CPM: variants seen among roughly 807,000 people sequenced by gnomAD.
CPM encodes the protein carboxypeptidase M.
Under a neutral mutation model 46.4 loss-of-function variants are expected in CPM, and 35 were observed. That is an observed-to-expected ratio of 0.75 (90% CI 0.58 to 1.00). The LOEUF (loss-of-function observed/expected upper bound fraction) is 1.00, where lower values mean the gene tolerates loss of function less well. CPM is among the 50% of genes least tolerant of loss of function. The pLI, the probability that CPM is intolerant of heterozygous loss-of-function variation, is 0.00. For synonymous variants in CPM, 195 were observed against 195.3 expected (o/e 1.00, Z 0.01); for missense variants, 422 against 530.4 (o/e 0.80, Z 2.01).
At chr12:68,948,920 GGTAAAA>G (rs1486128299) in intron 1 of CPM, among the ~76,000 whole-genome samples, 1 of 152,118 alleles carries the variant, frequency 6.6e-6, no homozygotes, top group Non-Finnish European at 1.5e-5. Flanking sequence ...TTGGAGTGGA[GGTAAAA>G]GTACTCATAA....
intron 7 of CPM, among the ~76,000 whole-genome samples, chr12:68,863,309 G>A (rs889320747): frequency 2.0e-5 from 3 of 152,162 alleles, no homozygotes; most frequent in Non-Finnish European, 4.4e-5. Flanking sequence ...AGACAGGGCC[G>A]CAGCAGGCAG....
At chr12:68,890,091 C>T (rs1046829207) in intron 2 of CPM, among the ~76,000 whole-genome samples, 9 of 152,106 alleles carry the variant, frequency 5.9e-5, no homozygotes, top group Admixed American at 3.3e-4. Context: ...TCTGTTGGCG[C>T]GCTCTCAGGG....
chr12:68,885,558 T>C (rs1886389985), intron 3 of CPM, among the ~76,000 whole-genome samples: 1 of 152,098 alleles, frequency 6.6e-6, no homozygotes, highest in Non-Finnish European at 1.5e-5. Context: ...CAAAACAAGC[T>C]CCAGCTACTC....
At chr12:68,882,602 G>A (rs1035869409) in intron 3 of CPM, among the ~76,000 whole-genome samples, 5 of 152,128 alleles carry the variant, frequency 3.3e-5, no homozygotes, top group African/African-American at 9.7e-5. Context: ...GGGTTGAATC[G>A]TAGTTCTGTT....
chr12:68,936,590 G>T (rs990026083), upstream of CPM, among the ~76,000 whole-genome samples: 1 of 152,058 alleles, frequency 6.6e-6, no homozygotes, highest in South Asian at 2.1e-4. Context: ...CACCACGTTG[G>T]CCAGGATGGT....
chr12:68,920,725 C>T (rs1888003427), intron 2 of CPM, among the ~76,000 whole-genome samples: 1 of 141,086 alleles, frequency 7.1e-6, no homozygotes, highest in South Asian at 2.3e-4. Context: ...CAGAGACTCA[C>T]TGTGGGCCAG....
chr12:68,859,045 T>G lies in CPM; in HGVS notation c.967A>C (p.Asn323His). The part of the protein sequence containing the change: ...LGVKGQVFDQ[N>H]GNPLPNVIVE... ...ATTACATTGGGTAATGGATTTCCAT[T>G]CTGATCAAAAACTTGACCCTTTACA... The change falls in exon 8 of 9, where the codon AAT becomes CAT. Residue 323 changes from asparagine to histidine, a missense_variant. Coordinates refer to ENST00000551568, the MANE Select transcript of CPM (RefSeq NM_198320.5). 1 of 1,538,118 alleles carries G rather than the reference T, an allele frequency of 6.5e-7. No homozygotes were observed. Among genetic ancestry groups the G allele is most frequent in the African/African-American group, 1.4e-5 (1 of 72,278 alleles).
intron 8 of CPM, 37 bp from the exon 9 acceptor site, chr12:68,856,716 A>C (rs755008426): frequency 3.1e-6 from 5 of 1,603,064 alleles, no homozygotes; most frequent in Non-Finnish European, 4.3e-6. Context: ...TGAGTGACTT[A>C]AGATGGTTCG....
At chr12:68,859,182 G>T in intron 7 of CPM, 111 bp from the exon 8 acceptor site, 1 of 560,596 alleles carries the variant, frequency 1.8e-6, no homozygotes, top group Non-Finnish European at 2.7e-6. Context: ...ACTCAATGTT[G>T]TGAGTTAATA....
At chr12:68,958,862 G>T (rs1463768515) in intron 1 of CPM, among the ~76,000 whole-genome samples, 1 of 152,072 alleles carries the variant, frequency 6.6e-6, no homozygotes, top group Non-Finnish European at 1.5e-5. Context: ...AGCCACACGT[G>T]CCCTGAACAC....
At chr12:68,904,564 A>T (rs553217725) in intron 2 of CPM, among the ~76,000 whole-genome samples, 2 of 152,362 alleles carry the variant, frequency 1.3e-5, no homozygotes, top group Non-Finnish European at 1.5e-5. Context: ...ACATTGCTCA[A>T]TACATCAGCA....
chr12:68,882,439 G>A (rs1886237724), intron 3 of CPM, among the ~76,000 whole-genome samples: 1 of 152,096 alleles, frequency 6.6e-6, no homozygotes, highest in Non-Finnish European at 1.5e-5. Context: ...CGATGTATAT[G>A]TACCATGTTT....
rs1225310868 is a variant in CPM, at chr12:68,852,582, C to T, written c.*3855G>A. 4 of 147,116 alleles carry T rather than the reference C, an allele frequency of 2.7e-5. No individual in the cohort carries two copies. The highest frequency in any genetic ancestry group is 2.1e-4 in the South Asian group (1 of 4,670). The allele number at this position is 147,116 out of a possible 1,614,324, so 9.1% of individuals were successfully genotyped here. On this transcript the variant is annotated 3_prime_UTR_variant, in exon 9 of 9. Transcript: ENST00000551568. ...TTTTTTTTTTTTTGAGACAGAGGTTCGCTCTGTCACCCCGGCTGGAGTGCA... is the reference window on the plus strand; with the variant it reads ...TTTTTTTTTTTTTGAGACAGAGGTTTGCTCTGTCACCCCGGCTGGAGTGCA...
intron 1 of CPM, among the ~76,000 whole-genome samples, chr12:68,938,374 G>A (rs1331432327): frequency 6.6e-6 from 1 of 151,450 alleles, no homozygotes; most frequent in Non-Finnish European, 1.5e-5. Flanking sequence ...ACTCCATTCT[G>A]GGTGACAGAA....
At chr12:68,844,321 A>G (rs2136191074) in intron 5 of CPM, 1 of 223,156 alleles carries the variant, frequency 4.5e-6, no homozygotes, top group Non-Finnish European at 8.9e-6. Flanking sequence ...TGCCCACTTT[A>G]GAAATACAAA....
chr12:68,872,346 G>C (rs1885743585), intron 3 of CPM, among the ~76,000 whole-genome samples: 1 of 146,874 alleles, frequency 6.8e-6, no homozygotes, highest in South Asian at 2.1e-4. Flanking sequence ...TCCGCCTCCT[G>C]GGTTCAAGCG....
chr12:68,847,198 A>T (rs1445821683), downstream of CPM: 2 of 129,088 alleles, frequency 1.5e-5, no homozygotes, highest in East Asian at 4.1e-4. Flanking sequence ...TGTGTACATT[A>T]TATATATATA....
intron 5 of CPM, chr12:68,843,791 A>G (rs978733069): frequency 1.3e-4 from 29 of 222,092 alleles, no homozygotes; most frequent in Admixed American, 4.6e-4. Flanking sequence ...TGGAGTTGAT[A>G]ATACTTCAGC....
chr12:68,944,219 A>G (rs1471481867), intron 1 of CPM, among the ~76,000 whole-genome samples: 2 of 152,182 alleles, frequency 1.3e-5, no homozygotes, highest in East Asian at 3.8e-4. Context: ...TATTTAATGA[A>G]CATCTAATAA....
Sources: gnomAD v4.1 joint callset for allele counts (sites outside exome capture counted in the v4.1 genomes callset) on GRCh38, gnomAD v4.1.1 for gene constraint, MANE v1.5 for transcripts, NCBI Gene and HGNC (gene_info 2026-07-23, HGNC 2026-07-21) for gene names.